CUX1: variants seen among roughly 807,000 people sequenced by gnomAD.
CUX1 encodes the protein protein CASP.
Under a neutral mutation model 158.8 loss-of-function variants are expected in CUX1, and 31 were observed. The ratio of observed to expected loss-of-function variants is 0.20; its 90% CI spans 0.15 to 0.26. The LOEUF (loss-of-function observed/expected upper bound fraction) is 0.26. Ranked by LOEUF, CUX1 falls within the 10% of genes least tolerant of loss-of-function variation. The pLI is 1.00. For missense variants in CUX1, 1,589 were observed against 2,014.6 expected, an observed-to-expected ratio of 0.79 and a Z score of 4.04; for synonymous variants, 879 against 862.1, an observed-to-expected ratio of 1.02 and a Z score of -0.34.
intron 1 of CUX1, chr7:101,913,502 CA>C: frequency 1.0e-6 from 1 of 967,266 alleles, no homozygotes; most frequent in Non-Finnish European, 1.4e-6. Flanking sequence ...GGCTCTCTGA[CA>C]GATCAGCCCA....
intron 3 of CUX1, among the ~76,000 whole-genome samples, chr7:102,051,198 G>A (rs1246676183): frequency 2.6e-5 from 4 of 152,030 alleles, no homozygotes; most frequent in African/African-American, 9.7e-5. Flanking sequence ...GTTTGAACAC[G>A]TCTCTGTGTC....
chr7:101,943,866 C>T (rs1402701717), intron 2 of CUX1, among the ~76,000 whole-genome samples: 1 of 151,398 alleles, frequency 6.6e-6, no homozygotes, highest in African/African-American at 2.4e-5. Context: ...ACTTGTAATC[C>T]CAGCACTTAC....
At chr7:101,819,320 C>G (rs927025684) in intron 1 of CUX1, among the ~76,000 whole-genome samples, 1 of 152,220 alleles carries the variant, frequency 6.6e-6, no homozygotes, top group African/African-American at 2.4e-5. Flanking sequence ...AGACAAAGCT[C>G]ATGGCACTCT....
intron 8 of CUX1, among the ~76,000 whole-genome samples, chr7:102,147,240 T>C (rs1455530823): frequency 6.6e-6 from 1 of 152,142 alleles, no homozygotes; most frequent in Non-Finnish European, 1.5e-5. Context: ...GGTTTAACCT[T>C]GGGTGGAAAA....
At chr7:101,861,819 C>T (rs1324211177) in intron 1 of CUX1, among the ~76,000 whole-genome samples, 5 of 151,202 alleles carry the variant, frequency 3.3e-5, no homozygotes, top group Non-Finnish European at 5.9e-5. Context: ...GGCTGGAGTG[C>T]GGTGGCACGA....
At chr7:102,135,027 A>G (rs1438036389) in intron 8 of CUX1, among the ~76,000 whole-genome samples, 3 of 152,104 alleles carry the variant, frequency 2.0e-5, no homozygotes, top group African/African-American at 7.2e-5. Context: ...CTATCAATTA[A>G]TTGCTTTTCT....
At chr7:102,172,210 G>A (rs1554510632) in intron 10 of CUX1, among the ~76,000 whole-genome samples, 3 of 152,094 alleles carry the variant, frequency 2.0e-5, no homozygotes, top group Non-Finnish European at 4.4e-5. Context: ...TCGTGCCTCA[G>A]CCTCCCAACT....
In CUX1 at chr7:102,039,292, G is replaced by A. The variant is rs151163908; in HGVS notation, c.189+11147G>A. ...CAGGACTGGCCTCGATCCTGGGGCC[G>A]TCTGGCATCCCAGAAGTGCTAAGGT... On this transcript the variant is annotated intron_variant, in intron 3 of 23. Transcript: ENST00000292535. 3.6e-3 allele frequency among the ~76,000 whole-genome samples: 545 copies of A among 152,274 alleles called. 3 individuals are homozygous for A. Among genetic ancestry groups the A allele is most frequent in the African/African-American group, 0.012 (514 of 41,560 alleles).
intron 3 of CUX1, among the ~76,000 whole-genome samples, chr7:102,057,938 C>T (rs1249703412): frequency 5.9e-5 from 9 of 152,052 alleles, no homozygotes; most frequent in Non-Finnish European, 8.8e-5. Flanking sequence ...CTTGTGTTAA[C>T]GAAAGAGTCA....
chr7:102,132,618 T>C (rs562609574), intron 8 of CUX1, among the ~76,000 whole-genome samples: 1 of 151,764 alleles, frequency 6.6e-6, no homozygotes, highest in East Asian at 1.9e-4. Context: ...TGCAACATTG[T>C]ACATTCCCAA....
In CUX1 at chr7:101,916,554, A is replaced by C. The variant is rs1804232205; in HGVS notation, c.141+329A>C. On this transcript the variant is annotated intron_variant, in intron 2 of 23. Coordinates refer to ENST00000292535, the MANE Select transcript of CUX1 (RefSeq NM_181552.4). The surrounding 1 kb of genome is among the most constrained non-coding windows in gnomAD (Gnocchi z 4.4). ...TCGAGCTCATCCCAGACCCTGTCCC[A>C]TGTCAGTTAGCAAGCCACCAAAGTC... The C allele has an allele frequency of 7.4e-6, 2 of 268,786 alleles. No homozygotes were observed. Among genetic ancestry groups the C allele is most frequent in the Admixed American group, 4.5e-5 (1 of 22,326 alleles). The allele number at this position is 268,786 out of a possible 1,614,324, so 16.7% of individuals were successfully genotyped here. A position where few individuals can be genotyped will look rare whatever the true frequency, so the allele number is the denominator to read the frequency against.
chr7:102,082,748 G>A lies in CUX1; in HGVS notation c.268+12331G>A, dbSNP rs150915544. Among the ~76,000 whole-genome samples, 71 of 147,200 alleles carry A rather than the reference G, an allele frequency of 4.8e-4. 2 individuals carry two copies. The highest frequency in any genetic ancestry group is 1.7e-3 in the East Asian group (9 of 5,188). ...ACATCTGGCCTCTTTCACTCAGCGCGGTGTTTTGGGATTCATCTAAGTTAC... is the reference window on the plus strand; with the variant it reads ...ACATCTGGCCTCTTTCACTCAGCGCAGTGTTTTGGGATTCATCTAAGTTAC... On this transcript the variant is annotated intron_variant, in intron 4 of 23. Transcript: ENST00000292535.
Position 101,946,532 on chromosome 7 carries a change from G to A in CUX1, c.141+30307G>A, listed in dbSNP as rs1239546321. ...GCACTCAAGTCTGTGTGACAAGAGC[G>A]AGACTCCGTCTCAAAAAAAAAAAAA... is the stretch of plus-strand genomic sequence containing the variant. On this transcript the variant is annotated intron_variant, in intron 2 of 23. Coordinates refer to ENST00000292535, the MANE Select transcript of CUX1 (RefSeq NM_181552.4). Among the ~76,000 whole-genome samples the A allele has an allele frequency of 3.1e-5, 4 of 127,018 alleles. No individual in the cohort carries two copies. In the Admixed American group the frequency reaches 3.8e-4, roughly 12 times the overall value. 83.3% of individuals were successfully genotyped at this position (127,018 alleles called of 152,430 possible). A position where few individuals can be genotyped will look rare whatever the true frequency, so the allele number is the denominator to read the frequency against.
At chr7:102,244,608 T>G (rs1344938174) in intron 23 of CUX1, among the ~76,000 whole-genome samples, 1 of 151,944 alleles carries the variant, frequency 6.6e-6, no homozygotes, top group Non-Finnish European at 1.5e-5. Flanking sequence ...GGTGGGAGAA[T>G]CACTTGAGGA....
At chr7:101,895,094 C>G (rs1801329166) in intron 1 of CUX1, among the ~76,000 whole-genome samples, 1 of 152,036 alleles carries the variant, frequency 6.6e-6, no homozygotes, top group Non-Finnish European at 1.5e-5. Flanking sequence ...GATCTTGGCT[C>G]ACTGCAACCT....
Position 102,248,482 on chromosome 7 carries a change from G to T in CUX1, c.3958G>T (p.Asp1320Tyr). The change falls in exon 24 of 24, where the codon GAC becomes TAC. Residue 1320 changes from aspartate (D) to tyrosine (Y), a missense_variant. Asp to Tyr is a radical substitution (Grantham distance 160). Around this residue, in one of 8 missense-constraint regions of CUX1, gnomAD observed 344 missense variants for 323.7 expected, o/e 1.06. Coordinates refer to ENST00000292535, the MANE Select transcript of CUX1 (RefSeq NM_181552.4). This position sits in a 1 kb window ranked among gnomAD's most constrained non-coding sequence, Gnocchi z 5.8. ...GAGTCAGGGCCAGGCGGGCGCCAGC[G>T]ACTCACCCTCGGCCCGCAGCGGCCG... is the stretch of plus-strand genomic sequence containing the variant. The part of the protein sequence containing the change: ...AGSQGQAGAS[D>Y]SPSARSGRAA... 1 of 1,590,638 alleles carries T rather than the reference G, an allele frequency of 6.3e-7. No individual in the cohort carries two copies. Among genetic ancestry groups the T allele is most frequent in the Non-Finnish European group, 8.5e-7 (1 of 1,172,498 alleles).
In CUX1 at chr7:102,067,229, CT is replaced by C. The variant is rs34912215; in HGVS notation, c.190-3088del. 4.3e-3 allele frequency among the ~76,000 whole-genome samples: 400 copies of C among 94,014 alleles called. 2 individuals carry two copies. Among genetic ancestry groups the C allele is most frequent in the Middle Eastern group, 8.5e-3 (1 of 118 alleles). 61.7% of individuals were successfully genotyped at this position (94,014 alleles called of 152,430 possible). On this transcript the variant is annotated intron_variant, in intron 3 of 23. Coordinates refer to ENST00000292535, the MANE Select transcript of CUX1 (RefSeq NM_181552.4). Reference sequence around the variant, plus strand: ...GCCTGTGTGTCTGCATTTCATGTAACTTTTTTTTTTTTTTTTTTTTTTGAGA... The same window carrying C: ...GCCTGTGTGTCTGCATTTCATGTAACTTTTTTTTTTTTTTTTTTTTTGAGA...
At chr7:102,107,638 C>A (rs1554488898) in intron 6 of CUX1, among the ~76,000 whole-genome samples, 1 of 152,198 alleles carries the variant, frequency 6.6e-6, no homozygotes, top group Admixed American at 6.5e-5. Flanking sequence ...TCAGTACATT[C>A]TCTCACTAAT....
Position 102,254,509 on chromosome 7 carries a change from A to G in CUX1, c.*5467A>G. ...TATGCCAGTTCCCATCCAGCACCGA[A>G]GAAAATCAGCTCCTGGGGCTGGTGG... On this transcript the variant is annotated 3_prime_UTR_variant, in exon 24 of 24. Coordinates refer to ENST00000292535, the MANE Select transcript of CUX1 (RefSeq NM_181552.4). The G allele has an allele frequency of 1.0e-6, 1 of 985,500 alleles. No individual in the cohort carries two copies. The highest frequency in any genetic ancestry group is 1.7e-5 in the African/African-American group (1 of 57,374). 61.0% of individuals were successfully genotyped at this position (985,500 alleles called of 1,614,324 possible). A position where few individuals can be genotyped will look rare whatever the true frequency, so the allele number is the denominator to read the frequency against.
Sources: gnomAD v4.1 joint callset for allele counts (sites outside exome capture counted in the v4.1 genomes callset) on GRCh38, gnomAD v4.1.1 for gene constraint, gnomAD v4.1.1 regional missense constraint, Gnocchi (gnomAD v3.1) non-coding constraint, MANE v1.5 for transcripts, NCBI Gene and HGNC (gene_info 2026-07-23, HGNC 2026-07-21) for gene names.